The following INSC variants were observed in gnomAD, a reference collection of about 807,000 sequenced individuals.
INSC encodes the protein INSC spindle orientation adaptor protein.
A neutral mutation model predicts 58.6 loss-of-function variants in INSC; 67 were observed. The observed-to-expected ratio is 1.14, with a 90% CI of 0.94 to 1.40. The LOEUF (loss-of-function observed/expected upper bound fraction) is 1.40, where lower values mean the gene tolerates loss of function less well. INSC is among the 40% of genes most tolerant of loss of function. INSC has a pLI of 0.00. For missense variants in INSC, 714 were observed against 692.0 expected (o/e 1.03, Z -0.36); for synonymous variants, 262 against 276.1 (o/e 0.95, Z 0.51).
chr11:15,198,850 A>G (rs1297178226), intron 6 of INSC, among the ~76,000 whole-genome samples: 3 of 152,144 alleles, frequency 2.0e-5, no homozygotes, highest in Admixed American at 6.5e-5. Context: ...CCCAGGAACT[A>G]TGGGAAAGTA....
chr11:15,268,344 C>A, the INSC span, among the ~76,000 whole-genome samples: 1 of 151,976 alleles, frequency 6.6e-6, no homozygotes. Context: ...GTCAGAAAAT[C>A]CTTTCTTGCT....
At chr11:15,257,872 T>C in the INSC span, among the ~76,000 whole-genome samples, 1 of 152,080 alleles carries the variant, frequency 6.6e-6, no homozygotes, top group African/African-American at 2.4e-5. Context: ...CAGAACTGCA[T>C]GACAATGAAT....
chr11:15,162,007 C>T (rs929079142), intron 2 of INSC, among the ~76,000 whole-genome samples: 2 of 152,156 alleles, frequency 1.3e-5, no homozygotes, highest in Non-Finnish European at 2.9e-5. Context: ...TAGTTCACTG[C>T]ATAGCAGAGG....
At chr11:15,180,883 A>G (rs1849755479) in intron 5 of INSC, among the ~76,000 whole-genome samples, 2 of 152,080 alleles carry the variant, frequency 1.3e-5, no homozygotes, top group East Asian at 1.9e-4. Context: ...GCTTCTTTTT[A>G]TATTAGAAAG....
chr11:15,227,784 T>G (rs937253946), intron 9 of INSC, among the ~76,000 whole-genome samples: 3 of 152,192 alleles, frequency 2.0e-5, no homozygotes, highest in African/African-American at 7.2e-5. Flanking sequence ...GCTCATGTTC[T>G]CTTCAGATAG....
rs192735743 is a variant in INSC at position 15,221,242 on chromosome 11, A to C, written c.820-235A>C. Among the ~76,000 whole-genome samples, 396 of 152,010 alleles carry C rather than the reference A, an allele frequency of 2.6e-3. 2 individuals are homozygous for C. The highest frequency in any genetic ancestry group is 8.7e-3 in the African/African-American group (362 of 41,432). On this transcript the variant is annotated intron_variant, in intron 7 of 12. Coordinates refer to ENST00000379556, the MANE Select transcript of INSC (RefSeq NM_001042536.3). Reference sequence around the variant, plus strand: ...TGTCCGCTATCTAGGAGGCCCATGAAAGGTTACTGATCTCTGCTGGACTCA... The same window carrying C: ...TGTCCGCTATCTAGGAGGCCCATGACAGGTTACTGATCTCTGCTGGACTCA...
intron 2 of INSC, among the ~76,000 whole-genome samples, chr11:15,152,116 G>A (rs1219003663): frequency 6.6e-6 from 1 of 152,204 alleles, no homozygotes; most frequent in African/African-American, 2.4e-5. Flanking sequence ...GTCATAGGTT[G>A]AGTTATATGG....
chr11:15,265,072 A>G, the INSC span, among the ~76,000 whole-genome samples: 1 of 152,272 alleles, frequency 6.6e-6, no homozygotes, highest in Non-Finnish European at 1.5e-5. Flanking sequence ...GCAACAAGGA[A>G]TGAAAGGTAA....
At chr11:15,160,049 A>G (rs1352441526) in intron 2 of INSC, among the ~76,000 whole-genome samples, 2 of 152,252 alleles carry the variant, frequency 1.3e-5, no homozygotes, top group Non-Finnish European at 2.9e-5. Context: ...AGCATGTAGC[A>G]TGGTGGCTTG....
chr11:15,200,571 C>T (rs910209425), intron 6 of INSC, among the ~76,000 whole-genome samples: 2 of 152,006 alleles, frequency 1.3e-5, no homozygotes, highest in African/African-American at 2.4e-5. Flanking sequence ...CCCTGGCTCC[C>T]GAGCCCCAGA....
At chr11:15,191,041 C>T (rs1309230085) in intron 6 of INSC, among the ~76,000 whole-genome samples, 2 of 146,668 alleles carry the variant, frequency 1.4e-5, no homozygotes, top group East Asian at 2.0e-4. Context: ...AGTGCAGTGG[C>T]GCGATCTCGG....
intron 9 of INSC, among the ~76,000 whole-genome samples, chr11:15,226,635 G>A (rs1275452827): frequency 1.3e-5 from 2 of 152,094 alleles, no homozygotes; most frequent in African/African-American, 2.4e-5. Flanking sequence ...GCTTATCCCT[G>A]TCTGCATTTT....
At chr11:15,146,076 G>A (rs1848483898) in intron 1 of INSC, among the ~76,000 whole-genome samples, 1 of 152,186 alleles carries the variant, frequency 6.6e-6, no homozygotes, top group African/African-American at 2.4e-5. Flanking sequence ...GGCATTAAAC[G>A]AACTAATACT....
At chr11:15,225,571 G>C (rs1851600759) in intron 8 of INSC, 79 bp from the exon 9 acceptor site, 2 of 1,396,308 alleles carry the variant, frequency 1.4e-6, no homozygotes, top group Middle Eastern at 1.9e-4. Context: ...ATCTCCCAGA[G>C]GTATTGTGTG....
rs77686821 is a variant in INSC at position 15,240,087 on chromosome 11, C to T, written c.1394-360C>T. Among the ~76,000 whole-genome samples, 1,016 of 152,254 alleles carry T rather than the reference C, an allele frequency of 6.7e-3. 24 individuals are homozygous for T. Among genetic ancestry groups the T allele is most frequent in the Admixed American group, 0.039 (590 of 15,296 alleles). ...AAGCTAAGTCATTCACTTAACTCTCCTCAGTAAAGCCCTAGGAAATATTAG... is the reference window on the plus strand; with the variant it reads ...AAGCTAAGTCATTCACTTAACTCTCTTCAGTAAAGCCCTAGGAAATATTAG... On this transcript the variant is annotated intron_variant, in intron 11 of 12. Transcript: ENST00000379556.
chr11:15,249,525 A>C (rs1298362382), downstream of INSC, among the ~76,000 whole-genome samples: 1 of 152,206 alleles, frequency 6.6e-6, no homozygotes, highest in Non-Finnish European at 1.5e-5. Flanking sequence ...AGGAAGATAC[A>C]GATATTCAGG....
upstream of INSC, among the ~76,000 whole-genome samples, chr11:15,114,474 C>T (rs1190002442): frequency 6.6e-6 from 1 of 152,182 alleles, no homozygotes; most frequent in Non-Finnish European, 1.5e-5. Context: ...GTGAACTGCA[C>T]CCAAATCCCT....
At chr11:15,188,539 G>A (rs1407096276) in intron 5 of INSC, among the ~76,000 whole-genome samples, 1 of 152,162 alleles carries the variant, frequency 6.6e-6, no homozygotes, top group Non-Finnish European at 1.5e-5. Flanking sequence ...TGATATTTAG[G>A]GCCTTGAAGA....
chr11:15,217,352 T>C (rs112553125), intron 7 of INSC, among the ~76,000 whole-genome samples: 2,810 of 152,314 alleles, frequency 0.018, 89 homozygotes, highest in African/African-American at 0.064. Context: ...ATGGGGATTA[T>C]GGGAACTACA....
Sources: gnomAD v4.1 joint callset for allele counts (sites outside exome capture counted in the v4.1 genomes callset) on GRCh38, gnomAD v4.1.1 for gene constraint, MANE v1.5 for transcripts, NCBI Gene and HGNC (gene_info 2026-07-23, HGNC 2026-07-21) for gene names.